AFG2A: variants seen among roughly 807,000 people sequenced by gnomAD.
AFG2A encodes ATPase family gene 2 protein homolog A.
At chr4:123,318,234 CAAAT>C in the AFG2A span, 4 of 152,192 alleles carry the variant, frequency 2.6e-5, no homozygotes, top group East Asian at 1.9e-4. Flanking sequence ...ACCTAGGAAA[CAAAT>C]AAAGAGGAAT....
chr4:123,197,422 C>T, the AFG2A span, among the ~76,000 whole-genome samples: 1 of 152,216 alleles, frequency 6.6e-6, no homozygotes, highest in South Asian at 2.1e-4. Flanking sequence ...ATCAAATTTC[C>T]TGTTAGGCTC....
At chr4:122,988,876 T>C in the AFG2A span, among the ~76,000 whole-genome samples, 1 of 152,254 alleles carries the variant, frequency 6.6e-6, no homozygotes, top group Non-Finnish European at 1.5e-5. Flanking sequence ...TTGAGTTTGC[T>C]GATTCTTCTG....
chr4:122,937,006 G>A, the AFG2A span, among the ~76,000 whole-genome samples: 1 of 151,966 alleles, frequency 6.6e-6, no homozygotes, highest in Non-Finnish European at 1.5e-5. Flanking sequence ...AAAATAATTA[G>A]TTGGGCATGG....
the AFG2A span, among the ~76,000 whole-genome samples, chr4:123,091,054 T>A: frequency 1.1e-4 from 16 of 152,242 alleles, no homozygotes; most frequent in Non-Finnish European, 2.1e-4. Flanking sequence ...GCTGAGGGCC[T>A]CTGGAAAGCA....
At chr4:123,004,492 G>A in the AFG2A span, among the ~76,000 whole-genome samples, 1 of 152,282 alleles carries the variant, frequency 6.6e-6, no homozygotes, top group South Asian at 2.1e-4. Flanking sequence ...GTTATCTTTT[G>A]AGATAATCTA....
At chr4:123,302,132 G>A in the AFG2A span, among the ~76,000 whole-genome samples, 1 of 152,088 alleles carries the variant, frequency 6.6e-6, no homozygotes, top group Non-Finnish European at 1.5e-5. Flanking sequence ...CCCCCGAGCC[G>A]CTTCCTCCCA....
the AFG2A span, chr4:123,314,024 A>G: frequency 2.5e-6 from 4 of 1,610,210 alleles, no homozygotes; most frequent in Admixed American, 1.7e-5. Context: ...AGACGTTTTT[A>G]TGAAGATTAT....
the AFG2A span, among the ~76,000 whole-genome samples, chr4:123,105,564 A>G: frequency 6.6e-6 from 1 of 152,208 alleles, no homozygotes; most frequent in Non-Finnish European, 1.5e-5. Flanking sequence ...AGGAGTCACC[A>G]TTCTAGATGC....
At chr4:122,934,112 T>A in the AFG2A span, 1 of 1,594,544 alleles carries the variant, frequency 6.3e-7, no homozygotes, top group South Asian at 1.1e-5. Flanking sequence ...AAGATTGTTT[T>A]ACCAGGCAAC....
the AFG2A span, among the ~76,000 whole-genome samples, chr4:123,189,197 G>A: frequency 1.4e-4 from 21 of 152,194 alleles, no homozygotes; most frequent in Non-Finnish European, 2.9e-5. Context: ...GTGTTGCTGG[G>A]ATTAAGAAAC....
At chr4:123,227,789 C>T in the AFG2A span, among the ~76,000 whole-genome samples, 4 of 152,248 alleles carry the variant, frequency 2.6e-5, no homozygotes, top group African/African-American at 9.6e-5. Context: ...TCTCGTTGAT[C>T]TGTCTAATGT....
At chr4:123,208,924 T>C in the AFG2A span, among the ~76,000 whole-genome samples, 1 of 152,166 alleles carries the variant, frequency 6.6e-6, no homozygotes, top group Non-Finnish European at 1.5e-5. Context: ...GACTAGTGGC[T>C]TCAGGGTGGG....
the AFG2A span, among the ~76,000 whole-genome samples, chr4:122,940,916 C>G: frequency 6.6e-6 from 1 of 150,706 alleles, no homozygotes; most frequent in South Asian, 2.1e-4. Context: ...TTGTTTTTGT[C>G]AGGTTTGTCC....
chr4:123,310,733 G>T, the AFG2A span, among the ~76,000 whole-genome samples: 1 of 152,184 alleles, frequency 6.6e-6, no homozygotes, highest in African/African-American at 2.4e-5. Flanking sequence ...AAGAATGACT[G>T]GCTAATTATT....
At chr4:123,203,298 T>C in the AFG2A span, among the ~76,000 whole-genome samples, 4 of 151,546 alleles carry the variant, frequency 2.6e-5, no homozygotes, top group East Asian at 7.8e-4. Context: ...TTACAGGTGC[T>C]CTCCACCACG....
the AFG2A span, among the ~76,000 whole-genome samples, chr4:123,024,538 G>GA: frequency 2.6e-5 from 4 of 152,314 alleles, no homozygotes; most frequent in African/African-American, 7.2e-5. Context: ...AATCAATCAT[G>GA]ATGGTCCCAG....
At chr4:123,120,508 T>C in the AFG2A span, among the ~76,000 whole-genome samples, 1 of 152,222 alleles carries the variant, frequency 6.6e-6, no homozygotes, top group African/African-American at 2.4e-5. Flanking sequence ...CTATGTGCCC[T>C]TCTGGCAAGA....
At chr4:123,129,077 C>A in the AFG2A span, among the ~76,000 whole-genome samples, 1 of 152,096 alleles carries the variant, frequency 6.6e-6, no homozygotes, top group Admixed American at 6.6e-5. Flanking sequence ...TCATATAGAC[C>A]TGTTTTCATA....
the AFG2A span, among the ~76,000 whole-genome samples, chr4:123,238,909 A>G: frequency 6.6e-6 from 1 of 152,332 alleles, no homozygotes; most frequent in East Asian, 1.9e-4. Flanking sequence ...AGCGTGTTCT[A>G]ACCCATTGCG....
Sources: gnomAD v4.1 joint callset for allele counts (sites outside exome capture counted in the v4.1 genomes callset) on GRCh38, gnomAD v4.1.1 for gene constraint, MANE v1.5 for transcripts, NCBI Gene and HGNC (gene_info 2026-07-23, HGNC 2026-07-21) for gene names.